WFDC1: variants seen among roughly 807,000 people sequenced by gnomAD.
WFDC1 encodes the protein WAP four-disulfide core domain protein 1.
WFDC1 carries 39 observed loss-of-function variants against 32.9 expected under a neutral mutation model. That is an observed-to-expected ratio of 1.19 (90% CI 0.92 to 1.55). The LOEUF is 1.55. Among genes scored for constraint, WFDC1 ranks in the 40% most tolerant of loss-of-function variants. The pLI, the probability that WFDC1 is intolerant of heterozygous loss-of-function variation, is 0.00. For synonymous variants in WFDC1, 184 were observed against 137.4 expected (o/e 1.34, Z -2.37); for missense variants, 386 against 309.5 (o/e 1.25, Z -1.85).
rs148471998 is a variant in WFDC1 at position 84,299,677 on chromosome 16, T to C, written c.144+4562T>C. ...ATGGCAGCCACCATGCGGGCCTCGG[T>C]GCTATGCAGCCCCTGGCCTGGGCAG... On this transcript the variant is annotated intron_variant, in intron 1 of 6. Transcript: ENST00000219454. Among the ~76,000 whole-genome samples, 322 of 152,304 alleles carry C rather than the reference T, an allele frequency of 2.1e-3. 2 individuals are homozygous for C. The highest frequency in any genetic ancestry group is 7.0e-3 in the African/African-American group (292 of 41,564).
At chr16:84,318,399 C>G in intron 3 of WFDC1, 44 bp downstream of exon 3, 1 of 1,588,434 alleles carries the variant, frequency 6.3e-7, no homozygotes. Flanking sequence ...AAGCCTCGAT[C>G]CCTCCTTCTC....
At chr16:84,316,203 C>T (rs1196847994) in intron 2 of WFDC1, 2 of 152,178 alleles carry the variant, frequency 1.3e-5, no homozygotes, top group Non-Finnish European at 2.9e-5. Flanking sequence ...TTTTGGAGGT[C>T]ACAGACTGCT....
intron 6 of WFDC1, chr16:84,328,297 A>C (rs1186769450): frequency 6.6e-6 from 1 of 152,270 alleles, no homozygotes; most frequent in Non-Finnish European, 1.5e-5. Context: ...GTGCCCTCAA[A>C]GGTGAGGCGT....
At chr16:84,295,147 C>A (rs1168788639) in intron 1 of WFDC1, 32 bp downstream of exon 1, 4 of 1,609,302 alleles carry the variant, frequency 2.5e-6, no homozygotes, top group Non-Finnish European at 3.4e-6. Flanking sequence ...GCTGGGGCAG[C>A]CTGTGTGGGT....
chr16:84,319,598 C>A, intron 4 of WFDC1, 27 bp downstream of exon 4: 3 of 1,607,452 alleles, frequency 1.9e-6, no homozygotes, highest in Non-Finnish European at 2.5e-6. Flanking sequence ...AGCCCTGATC[C>A]TGGCTCCTGC....
intron 1 of WFDC1, among the ~76,000 whole-genome samples, chr16:84,312,219 C>T (rs532596572): frequency 1.3e-5 from 2 of 152,226 alleles, no homozygotes; most frequent in East Asian, 3.9e-4. Context: ...ATAAATCCTA[C>T]GTGTTCAGCT....
At chr16:84,321,921 C>T (rs1413195839) in intron 4 of WFDC1, among the ~76,000 whole-genome samples, 1 of 152,140 alleles carries the variant, frequency 6.6e-6, no homozygotes, top group Admixed American at 6.6e-5. Context: ...ATAGAGATGG[C>T]GATGGTAACC....
chr16:84,313,867 C>G (rs893979954), intron 2 of WFDC1, among the ~76,000 whole-genome samples: 2 of 152,144 alleles, frequency 1.3e-5, no homozygotes, highest in African/African-American at 2.4e-5. Context: ...CATGCTGAAA[C>G]CCCGTCTCTA....
At chr16:84,306,031 TAATAATAATAATAATAAA>T (rs1294576110) in intron 1 of WFDC1, among the ~76,000 whole-genome samples, 74 of 106,968 alleles carry the variant, frequency 6.9e-4, no homozygotes, top group African/African-American at 2.7e-3. Flanking sequence ...ATAATAATAA[TAATAATAATAATAATAAA>T]AGGAATAAAA....
chr16:84,298,956 A>G (rs1032096720), intron 1 of WFDC1, among the ~76,000 whole-genome samples: 7 of 152,176 alleles, frequency 4.6e-5, no homozygotes, highest in Non-Finnish European at 7.3e-5. Context: ...GGGACACAGT[A>G]GTGCCTGCTT....
chr16:84,296,703 C>T (rs971250926), intron 1 of WFDC1, among the ~76,000 whole-genome samples: 6 of 152,034 alleles, frequency 3.9e-5, no homozygotes, highest in East Asian at 3.9e-4. Context: ...CATGATGAGG[C>T]GCTTGGAGAA....
At chr16:84,327,091 C>A in intron 6 of WFDC1, 136 bp downstream of exon 6, 1 of 809,058 alleles carries the variant, frequency 1.2e-6, no homozygotes, top group Non-Finnish European at 2.0e-6. Context: ...AAATTCCCTT[C>A]TGCAGTAAGT....
chr16:84,319,593 T>C (rs1181698095), intron 4 of WFDC1, 22 bp downstream of exon 4: 1 of 1,608,400 alleles, frequency 6.2e-7, no homozygotes, highest in Non-Finnish European at 8.5e-7. Flanking sequence ...ACCCCAGCCC[T>C]GATCCTGGCT....
At chr16:84,306,056 A>G (rs996192629) in intron 1 of WFDC1, among the ~76,000 whole-genome samples, 1 of 151,496 alleles carries the variant, frequency 6.6e-6, no homozygotes, top group African/African-American at 2.4e-5. Flanking sequence ...TAAAAGGAAT[A>G]AAAATCAGGT....
At chr16:84,310,540 G>A (rs400515) in intron 1 of WFDC1, among the ~76,000 whole-genome samples, 86,100 of 151,644 alleles carry the variant, frequency 0.57, 25,434 homozygotes, top group East Asian at 0.98. Context: ...GCAGAAGGGT[G>A]TACAATAGAA....
intron 4 of WFDC1, among the ~76,000 whole-genome samples, chr16:84,321,546 G>T (rs1310243293): frequency 1.3e-5 from 2 of 152,162 alleles, no homozygotes; most frequent in Non-Finnish European, 2.9e-5. Flanking sequence ...TTCATCCCCT[G>T]ATCTTTTCAT....
At chr16:84,299,353 G>A (rs1230572146) in intron 1 of WFDC1, among the ~76,000 whole-genome samples, 2 of 149,572 alleles carry the variant, frequency 1.3e-5, no homozygotes, top group South Asian at 2.1e-4. Flanking sequence ...CAAGAAGAGC[G>A]CAACTCCATC....
At chr16:84,318,075 C>A in intron 2 of WFDC1, 197 bp from the exon 3 acceptor site, 2 of 561,242 alleles carry the variant, frequency 3.6e-6, no homozygotes, top group Middle Eastern at 4.9e-4. Flanking sequence ...TAGTCCCCAG[C>A]TTTGTGGCCC....
In WFDC1 at chr16:84,325,886, T is replaced by A. The variant is rs1019630073; in HGVS notation, c.605-996T>A. On this transcript the variant is annotated intron_variant, in intron 5 of 6. Transcript: ENST00000219454. The stretch of plus-strand genomic sequence containing the variant: ...TCCATCCATCTGCCCATTCATCCAT[T>A]CATGCACATATCCTTGCATTCATTC... 18 of 151,336 alleles carry A rather than the reference T, an allele frequency of 1.2e-4. 1 individual carries two copies. Among genetic ancestry groups the A allele is most frequent in the Admixed American group, 1.2e-3 (18 of 15,200 alleles). 9.4% of individuals were successfully genotyped at this position (151,336 alleles called of 1,614,324 possible). A position where few individuals can be genotyped will look rare whatever the true frequency, so the allele number is the denominator to read the frequency against.
Sources: gnomAD v4.1 joint callset for allele counts (sites outside exome capture counted in the v4.1 genomes callset) on GRCh38, gnomAD v4.1.1 for gene constraint, MANE v1.5 for transcripts, NCBI Gene and HGNC (gene_info 2026-07-23, HGNC 2026-07-21) for gene names.